The following ERCC6L2 variants were observed in gnomAD, a reference collection of about 807,000 sequenced individuals.
The protein encoded by ERCC6L2 is ERCC excision repair 6 like 2.
ERCC6L2 carries 77 observed loss-of-function variants against 132.0 expected under a neutral mutation model. The ratio of observed to expected loss-of-function variants is 0.58; its 90% CI spans 0.49 to 0.71. The LOEUF is 0.71. Among genes scored for constraint, ERCC6L2 ranks in the 30% least tolerant of loss-of-function variants. The pLI, the probability that ERCC6L2 is intolerant of heterozygous loss-of-function variation, is 0.00. For synonymous variants in ERCC6L2, 583 were observed against 632.4 expected, an observed-to-expected ratio of 0.92 and a Z score of 1.17; for missense variants, 1,542 against 1,837.6, an observed-to-expected ratio of 0.84 and a Z score of 2.94.
intron 17 of ERCC6L2, among the ~76,000 whole-genome samples, chr9:95,984,890 T>C (rs1833038471): frequency 6.6e-6 from 1 of 152,230 alleles, no homozygotes; most frequent in Admixed American, 6.5e-5. Context: ...ACATTGTTCA[T>C]TGTTCATTGA....
intron 12 of ERCC6L2, among the ~76,000 whole-genome samples, chr9:95,950,079 A>G (rs778450766): frequency 7.9e-5 from 12 of 152,142 alleles, no homozygotes; most frequent in Non-Finnish European, 1.3e-4. Flanking sequence ...CTAGACAGTA[A>G]CTCAAAGTCA....
At chr9:95,943,703 C>T (rs910321815) in intron 12 of ERCC6L2, among the ~76,000 whole-genome samples, 2 of 152,070 alleles carry the variant, frequency 1.3e-5, no homozygotes, top group Non-Finnish European at 2.9e-5. Context: ...GGACATTTCT[C>T]CAAAGAAGGT....
intron 12 of ERCC6L2, 131 bp downstream of exon 12, chr9:95,941,680 A>G (rs1226255752): frequency 1.1e-5 from 7 of 664,706 alleles, no homozygotes; most frequent in African/African-American, 1.8e-5. Context: ...CGTACATTTA[A>G]TATAATCCTG....
chr9:96,030,142 C>T lies in ERCC6L2; in HGVS notation c.*1504-8734C>T, dbSNP rs12683015. Among the ~76,000 whole-genome samples, 452 of 152,158 alleles carry T rather than the reference C, an allele frequency of 3.0e-3. 16 individuals carry two copies. In the East Asian group the frequency reaches 0.067, roughly 23 times the overall value. On this transcript the variant is annotated intron_variant and NMD_transcript_variant, in intron 19 of 20. Transcript: ENST00000670016. ...TTGTAAAACGCACCAGTCATCGCTCCGTGGCTAGCTAGAGGTTTGTAAAAT... is the reference window on the plus strand; with the variant it reads ...TTGTAAAACGCACCAGTCATCGCTCTGTGGCTAGCTAGAGGTTTGTAAAAT...
intron 4 of ERCC6L2, among the ~76,000 whole-genome samples, chr9:95,908,011 C>T (rs79561263): frequency 0.067 from 10,195 of 152,086 alleles, 447 homozygotes; most frequent in Non-Finnish European, 0.1. Context: ...GTGCCCCCTA[C>T]AGTGTTGTCA....
intron 17 of ERCC6L2, among the ~76,000 whole-genome samples, chr9:95,991,785 A>C (rs536232427): frequency 2.0e-5 from 3 of 152,358 alleles, no homozygotes; most frequent in Admixed American, 1.3e-4. Context: ...TCTATTAATA[A>C]GTATTTTCTA....
chr9:96,018,564 G>C (rs1834230837), downstream of ERCC6L2, among the ~76,000 whole-genome samples: 2 of 151,672 alleles, frequency 1.3e-5, no homozygotes, highest in South Asian at 4.2e-4. Context: ...AGGATCAAGG[G>C]ATCTTCCCAC....
intron 3 of ERCC6L2, among the ~76,000 whole-genome samples, chr9:95,903,081 TTATAA>T (rs1828858310): frequency 6.6e-6 from 1 of 152,098 alleles, no homozygotes; most frequent in South Asian, 2.1e-4. Context: ...CATGGTTCTT[TTATAA>T]TATGTGTGAT....
At chr9:95,907,782 A>AT (rs1197766270) in intron 4 of ERCC6L2, among the ~76,000 whole-genome samples, 10 of 150,378 alleles carry the variant, frequency 6.6e-5, no homozygotes, top group Admixed American at 6.0e-4. Flanking sequence ...TTCATGAATT[A>AT]TTTCAATTAT....
At chr9:95,886,923 A>G (rs1214121712) in intron 2 of ERCC6L2, among the ~76,000 whole-genome samples, 1 of 152,202 alleles carries the variant, frequency 6.6e-6, no homozygotes, top group African/African-American at 2.4e-5. Flanking sequence ...CCCAGCCTGC[A>G]TCTTTCTCCC....
intron 11 of ERCC6L2, among the ~76,000 whole-genome samples, chr9:95,939,987 G>C (rs1416647488): frequency 6.6e-6 from 1 of 152,090 alleles, no homozygotes; most frequent in South Asian, 2.1e-4. Context: ...TTCCGTCTTT[G>C]GCCTCTGCTG....
At chr9:95,996,973 C>T (rs1833492372) in intron 17 of ERCC6L2, among the ~76,000 whole-genome samples, 1 of 152,190 alleles carries the variant, frequency 6.6e-6, no homozygotes, top group South Asian at 2.1e-4. Flanking sequence ...TGGCACATGC[C>T]TGTAGTTCTA....
rs1832490449 is a variant in ERCC6L2, at chr9:95,972,945, TA to T, written c.3196del (p.Arg1066GlufsTer26). On this transcript the variant is annotated frameshift_variant, in exon 16 of 19. Coordinates refer to ENST00000653738, the MANE Select transcript of ERCC6L2 (RefSeq NM_020207.7). LOFTEE classifies it high-confidence loss of function. ...FSKQSHRPRT[I>X]RDRTSFSSKL... is the part of the protein sequence containing the mutation. ...AAACAGAGCCACAGACCAAGAACTATAAGAGACAGAACTAGTTTTTCTTCAA... is the reference window on the plus strand; with the variant it reads ...AAACAGAGCCACAGACCAAGAACTATAGAGACAGAACTAGTTTTTCTTCAA... 7.6e-7 allele frequency: 1 copy of T among 1,311,562 alleles called. No individual in the cohort carries two copies. Among genetic ancestry groups the T allele is most frequent in the African/African-American group, 1.5e-5 (1 of 66,374 alleles). 81.2% of individuals were successfully genotyped at this position (1,311,562 alleles called of 1,614,324 possible). A position where few individuals can be genotyped will look rare whatever the true frequency, so the allele number is the denominator to read the frequency against.
chr9:96,006,307 C>T (rs141053083), intron 18 of ERCC6L2, among the ~76,000 whole-genome samples: 61 of 152,256 alleles, frequency 4.0e-4, no homozygotes, highest in Admixed American at 1.9e-3. Context: ...GCAGGAGTAG[C>T]GAGAGGATCT....
chr9:95,973,946 C>T (rs1186457359), intron 16 of ERCC6L2, among the ~76,000 whole-genome samples: 1 of 152,138 alleles, frequency 6.6e-6, no homozygotes, highest in Non-Finnish European at 1.5e-5. Flanking sequence ...CCTCTCCATG[C>T]AGTTAAACAT....
intron 13 of ERCC6L2, among the ~76,000 whole-genome samples, chr9:95,963,299 CTT>C (rs1831999644): frequency 1.3e-5 from 2 of 152,004 alleles, no homozygotes; most frequent in South Asian, 2.1e-4. Context: ...CTTGCTTTCT[CTT>C]TGTCTCAGCC....
chr9:95,881,539 A>G (rs898779585), intron 2 of ERCC6L2, among the ~76,000 whole-genome samples: 1 of 152,136 alleles, frequency 6.6e-6, no homozygotes, highest in South Asian at 2.1e-4. Flanking sequence ...ACTTGGTTTG[A>G]TTTTACCTTT....
chr9:95,976,484 G>A (rs764043704), intron 16 of ERCC6L2, among the ~76,000 whole-genome samples: 21 of 152,018 alleles, frequency 1.4e-4, no homozygotes, highest in Non-Finnish European at 2.5e-4. Context: ...TGTGCTTTCC[G>A]GTGAATACCT....
At chr9:95,943,334 A>G (rs1830893856) in intron 12 of ERCC6L2, among the ~76,000 whole-genome samples, 2 of 152,164 alleles carry the variant, frequency 1.3e-5, no homozygotes, top group Admixed American at 1.3e-4. Context: ...TACCCTGGTC[A>G]GTTCTCAAAT....
Sources: gnomAD v4.1 joint callset for allele counts (sites outside exome capture counted in the v4.1 genomes callset) on GRCh38, gnomAD v4.1.1 for gene constraint, MANE v1.5 for transcripts, NCBI Gene and HGNC (gene_info 2026-07-23, HGNC 2026-07-21) for gene names.